POLA1: variants seen among roughly 807,000 people sequenced by gnomAD.
POLA1 encodes DNA polymerase alpha 1, catalytic subunit.
Under a neutral mutation model 124.0 loss-of-function variants are expected in POLA1, and 15 were observed. That is an observed-to-expected ratio of 0.12 (90% CI 0.08 to 0.19). POLA1 has a LOEUF of 0.19. Ranked by LOEUF, POLA1 falls within the 10% of genes least tolerant of loss-of-function variation. The pLI is 1.00. For missense variants in POLA1, 886 were observed against 1,103.4 expected (o/e 0.80, Z 2.79); for synonymous variants, 408 against 389.4 (o/e 1.05, Z -0.56).
intron 20 of POLA1, among the ~76,000 whole-genome samples, chrX:24,740,174 CTA>C (rs1931545249): frequency 9.0e-6 from 1 of 111,719 alleles, no homozygotes; most frequent in East Asian, 2.8e-4. Context: ...TAGGTTCTTC[CTA>C]TAGTCTTTCC....
intron 35 of POLA1, among the ~76,000 whole-genome samples, chrX:24,903,941 C>CT (rs1249640020): frequency 0.013 from 1,112 of 86,732 alleles, 17 homozygotes; most frequent in African/African-American, 0.04. Flanking sequence ...TTCTTTCTTT[C>CT]TTTTTTTTTT....
At chrX:24,698,854 T>C (rs1340422353) in intron 1 of POLA1, among the ~76,000 whole-genome samples, 2 of 110,751 alleles carry the variant, frequency 1.8e-5, no homozygotes, top group African/African-American at 6.6e-5. Flanking sequence ...GGTTTCACCA[T>C]GTTGGCCAGG....
At chrX:24,959,050 C>T (rs867720441) in intron 36 of POLA1, among the ~76,000 whole-genome samples, 1 of 111,700 alleles carries the variant, frequency 9.0e-6, no homozygotes, top group African/African-American at 3.3e-5. Context: ...TCCTTGTTCC[C>T]CACTAGCTGT....
chrX:24,710,779 G>T (rs1439193445), intron 4 of POLA1, among the ~76,000 whole-genome samples: 5 of 102,725 alleles, frequency 4.9e-5, no homozygotes, highest in Non-Finnish European at 7.8e-5. Context: ...TGATTCTCCT[G>T]CCTCAGCCTC....
intron 26 of POLA1, among the ~76,000 whole-genome samples, chrX:24,808,299 C>T (rs2045838885): frequency 9.0e-6 from 1 of 111,187 alleles, no homozygotes; most frequent in South Asian, 3.9e-4. Flanking sequence ...AGTCCCCCAC[C>T]GCCTGCCCCC....
chrX:24,949,658 A>G (rs2048009237), intron 36 of POLA1, among the ~76,000 whole-genome samples: 3 of 108,615 alleles, frequency 2.8e-5, no homozygotes, highest in African/African-American at 1.0e-4. Context: ...AAAGTAAATC[A>G]TATAAAAATA....
chrX:24,962,065 T>TTA (rs1166621555), intron 36 of POLA1, among the ~76,000 whole-genome samples: 2 of 111,551 alleles, frequency 1.8e-5, no homozygotes, highest in Non-Finnish European at 3.8e-5. Context: ...TACTGCATCT[T>TTA]TATATATATA....
chrX:24,946,466 T>C (rs748972846), intron 36 of POLA1, among the ~76,000 whole-genome samples: 1 of 111,624 alleles, frequency 9.0e-6, no homozygotes, highest in South Asian at 3.8e-4. Context: ...CACCCCTTTT[T>C]GCCTAGAAGG....
chrX:24,956,413 T>C (rs1298021738), intron 36 of POLA1, among the ~76,000 whole-genome samples: 1 of 109,870 alleles, frequency 9.1e-6, no homozygotes, highest in Non-Finnish European at 1.9e-5. Context: ...AGAAACAAAA[T>C]AGACTTTATA....
chrX:24,889,022 A>G (rs1350197345), intron 35 of POLA1, among the ~76,000 whole-genome samples: 2 of 110,586 alleles, frequency 1.8e-5, no homozygotes, highest in Non-Finnish European at 3.8e-5. Context: ...GGCGTATGCC[A>G]CCACACCTGG....
chrX:24,788,328 T>C, intron 26 of POLA1: 1 of 981,880 alleles, frequency 1.0e-6, no homozygotes, highest in East Asian at 3.4e-5. Flanking sequence ...CCACTTTTAC[T>C]ACTTCTTTTT....
chrX:24,930,210 T>C (rs2047754778), intron 35 of POLA1, among the ~76,000 whole-genome samples: 1 of 112,201 alleles, frequency 8.9e-6, no homozygotes, highest in South Asian at 3.7e-4. Context: ...GGGTAATCAG[T>C]CTGCAGCTTC....
chrX:24,989,447 A>T, intron 36 of POLA1, among the ~76,000 whole-genome samples: 1 of 107,605 alleles, frequency 9.3e-6, no homozygotes, highest in Non-Finnish European at 1.9e-5. Flanking sequence ...TTTTTTTGAG[A>T]CAGGGTCTTA....
intron 26 of POLA1, among the ~76,000 whole-genome samples, chrX:24,805,003 T>C (rs1049517998): frequency 8.9e-6 from 1 of 111,822 alleles, no homozygotes; most frequent in African/African-American, 3.2e-5. Flanking sequence ...TTATTTTCTT[T>C]AGAAAACAAT....
At chrX:24,797,566 G>A in intron 26 of POLA1, among the ~76,000 whole-genome samples, 1 of 111,990 alleles carries the variant, frequency 8.9e-6, no homozygotes, top group Non-Finnish European at 1.9e-5. Flanking sequence ...CCTATAAGAG[G>A]GAAGGGATCA....
At chrX:24,983,874 G>T (rs970908236) in intron 36 of POLA1, among the ~76,000 whole-genome samples, 11 of 110,988 alleles carry the variant, frequency 9.9e-5, no homozygotes, top group Admixed American at 3.8e-4. Flanking sequence ...AGCACCATTT[G>T]CCTCTTCTGT....
At chrX:24,746,769 G>A (rs1236259519) in intron 24 of POLA1, among the ~76,000 whole-genome samples, 5 of 112,265 alleles carry the variant, frequency 4.5e-5, no homozygotes, top group Admixed American at 9.4e-5. Context: ...TATTACTATT[G>A]TAACAGTGTT....
At chrX:24,866,360 G>C (rs766915487) in intron 34 of POLA1, among the ~76,000 whole-genome samples, 3 of 111,821 alleles carry the variant, frequency 2.7e-5, no homozygotes, top group Non-Finnish European at 3.8e-5. Context: ...TCAGCAAGAA[G>C]ACCTTTTTAA....
At chrX:24,904,606 C>G (rs1395815012) in intron 35 of POLA1, among the ~76,000 whole-genome samples, 2 of 111,045 alleles carry the variant, frequency 1.8e-5, no homozygotes, top group Non-Finnish European at 3.8e-5. Flanking sequence ...CACAAAAATA[C>G]ATGACAAGTT....
Sources: allele counts gnomAD v4.1 joint callset (sites outside exome capture counted in the v4.1 genomes callset), GRCh38; gene constraint gnomAD v4.1.1; transcripts MANE v1.5; gene names NCBI Gene and HGNC (gene_info 2026-07-23, HGNC 2026-07-21).